DLGAP4: variants seen among roughly 807,000 people sequenced by gnomAD.
The protein encoded by DLGAP4 is disks large-associated protein 4.
A neutral mutation model predicts 86.9 loss-of-function variants in DLGAP4; 18 were observed. That is an observed-to-expected ratio of 0.21 (90% confidence interval 0.14 to 0.31). The LOEUF is 0.31. Ranked by LOEUF, DLGAP4 falls within the 10% of genes least tolerant of loss-of-function variation. DLGAP4 has a pLI of 1.00. For synonymous variants in DLGAP4, 548 were observed against 574.3 expected (o/e 0.95, Z 0.65); for missense variants, 1,085 against 1,362.6 (o/e 0.80, Z 3.21).
intron 7 of DLGAP4, among the ~76,000 whole-genome samples, chr20:36,495,174 A>G (rs1249168373): frequency 6.6e-6 from 1 of 152,004 alleles, no homozygotes; most frequent in Non-Finnish European, 1.5e-5. Flanking sequence ...TTATTTTTAT[A>G]AGAAAATGCC....
intron 1 of DLGAP4, among the ~76,000 whole-genome samples, chr20:36,339,843 G>T (rs1266862664): frequency 2.0e-5 from 3 of 152,178 alleles, no homozygotes; most frequent in Non-Finnish European, 4.4e-5. Flanking sequence ...CTCATGGAGG[G>T]GACGCACAGC....
chr20:36,349,104 CAAAAAAAAAAAAAAAAA>C lies in DLGAP4; in HGVS notation c.-303-17924_-303-17908del, dbSNP rs539585564. ...GGCGTGACAGAACAAGACTCCATCT[CAAAAAAAAAAAAAAAAA>C]AAAAAAAAAAAAAAAAGCCGGGTGC... On this transcript the variant is annotated intron_variant, in intron 1 of 12. Coordinates refer to ENST00000339266, the MANE Select transcript of DLGAP4 (RefSeq NM_001365621.2). Among the ~76,000 whole-genome samples, 10 of 39,896 alleles carry C rather than the reference CAAAAAAAAAAAAAAAAA, an allele frequency of 2.5e-4. 1 individual carries two copies. The highest frequency in any genetic ancestry group is 1.3e-3 in the African/African-American group (8 of 6,130). The allele number at this position is 39,896 out of a possible 152,430, so 26.2% of individuals were successfully genotyped here. A position where few individuals can be genotyped will look rare whatever the true frequency, so the allele number is the denominator to read the frequency against.
chr20:36,395,502 T>A (rs59059863), intron 2 of DLGAP4, among the ~76,000 whole-genome samples: 10,582 of 151,972 alleles, frequency 0.07, 1,174 homozygotes, highest in African/African-American at 0.24. Flanking sequence ...CTGCCTTTTT[T>A]TTATTATTAT....
chr20:36,511,090 A>C (rs997500512), intron 10 of DLGAP4: 5 of 152,244 alleles, frequency 3.3e-5, no homozygotes, highest in Admixed American at 3.3e-4. Context: ...TAAAATATTG[A>C]ATCTTCTCAA....
At chr20:36,384,085 CT>C (rs1205156106) in intron 2 of DLGAP4, among the ~76,000 whole-genome samples, 1 of 138,076 alleles carries the variant, frequency 7.2e-6, no homozygotes, top group African/African-American at 2.6e-5. Flanking sequence ...AAAAAAGAAG[CT>C]TTCATTGCCA....
At chr20:36,459,169 A>G (rs969130833) in intron 7 of DLGAP4, among the ~76,000 whole-genome samples, 2 of 152,142 alleles carry the variant, frequency 1.3e-5, no homozygotes, top group Non-Finnish European at 2.9e-5. Context: ...TCTGCCTTGT[A>G]GGGATTCCAG....
chr20:36,418,457 C>G (rs1480513432), intron 2 of DLGAP4, among the ~76,000 whole-genome samples: 2 of 152,154 alleles, frequency 1.3e-5, no homozygotes, highest in African/African-American at 4.8e-5. Flanking sequence ...TCTCTGTAGT[C>G]CCTTTGTTCT....
chr20:36,317,661 T>G (rs1181074034), intron 1 of DLGAP4, among the ~76,000 whole-genome samples: 1 of 151,586 alleles, frequency 6.6e-6, no homozygotes, highest in Non-Finnish European at 1.5e-5. Context: ...CTTGCTATGT[T>G]GCCCAGGCTG....
intron 7 of DLGAP4, among the ~76,000 whole-genome samples, chr20:36,486,424 C>T (rs941862875): frequency 6.6e-6 from 1 of 152,076 alleles, no homozygotes; most frequent in Non-Finnish European, 1.5e-5. Context: ...AGCAGACATG[C>T]CAACATGAGG....
rs1479207719 is a variant in DLGAP4, at chr20:36,527,631, C to G, written c.*600C>G. ...CCTCCCCCCGCCAAGTGCTCACACA[C>G]AACCTCACGCGCACACACACACACG... On this transcript the variant is annotated 3_prime_UTR_variant, in exon 13 of 13. Coordinates refer to ENST00000339266, the MANE Select transcript of DLGAP4 (RefSeq NM_001365621.2). 1 of 152,886 alleles carries G rather than the reference C, an allele frequency of 6.5e-6. No homozygotes were observed. Among genetic ancestry groups the G allele is most frequent in the African/African-American group, 2.4e-5 (1 of 41,410 alleles). 9.5% of individuals were successfully genotyped at this position (152,886 alleles called of 1,614,324 possible). A position where few individuals can be genotyped will look rare whatever the true frequency, so the allele number is the denominator to read the frequency against.
At chr20:36,405,466 G>T (rs1340596026) in intron 2 of DLGAP4, among the ~76,000 whole-genome samples, 1 of 152,158 alleles carries the variant, frequency 6.6e-6, no homozygotes, top group Non-Finnish European at 1.5e-5. Context: ...GTACACATGC[G>T]AGGGAGGCTG....
chr20:36,315,026 TGA>T (rs2065084195), intron 1 of DLGAP4, among the ~76,000 whole-genome samples: 7 of 19,004 alleles, frequency 3.7e-4, no homozygotes, highest in Admixed American at 6.8e-4. Flanking sequence ...TGTGGTGGTG[TGA>T]GATGTGTGTG....
Position 36,527,126 on chromosome 20 carries a change from T to TTCTG in DLGAP4, c.*99_*102dup, listed in dbSNP as rs1555919245. ...GTTTTCTCAACCTTTGCTATGGTTA[T>TTCTG]TCTGTCTAGAGACCCTGAGCCAACT... On this transcript the variant is annotated 3_prime_UTR_variant, in exon 13 of 13. Coordinates refer to ENST00000339266, the MANE Select transcript of DLGAP4 (RefSeq NM_001365621.2). 1.5e-6 allele frequency: 2 copies of TTCTG among 1,347,002 alleles called. No individual in the cohort carries two copies. Among genetic ancestry groups the TTCTG allele is most frequent in the South Asian group, 1.5e-5 (1 of 65,992 alleles). The allele number at this position is 1,347,002 out of a possible 1,614,324, so 83.4% of individuals were successfully genotyped here.
At chr20:36,482,247 A>G (rs1197276721) in intron 7 of DLGAP4, among the ~76,000 whole-genome samples, 2 of 152,138 alleles carry the variant, frequency 1.3e-5, no homozygotes, top group African/African-American at 4.8e-5. Context: ...GTCATTCAGA[A>G]TGGTGAAAGA....
At chr20:36,490,797 C>T (rs1050478245) in intron 7 of DLGAP4, among the ~76,000 whole-genome samples, 1 of 152,216 alleles carries the variant, frequency 6.6e-6, no homozygotes, top group African/African-American at 2.4e-5. Flanking sequence ...AGGGGGCTAG[C>T]TTCTTGAGGT....
chr20:36,369,097 C>A (rs370742804), intron 2 of DLGAP4, among the ~76,000 whole-genome samples: 2 of 152,104 alleles, frequency 1.3e-5, no homozygotes, highest in South Asian at 2.1e-4. Context: ...GAGGCCCGGG[C>A]GGCAGCGAGG....
At chr20:36,444,940 T>C (rs898793389) in intron 6 of DLGAP4, among the ~76,000 whole-genome samples, 7 of 151,910 alleles carry the variant, frequency 4.6e-5, no homozygotes, top group Admixed American at 3.9e-4. Context: ...ACGCCTGGAC[T>C]AATCAATTAT....
intron 2 of DLGAP4, among the ~76,000 whole-genome samples, chr20:36,428,612 G>A (rs1297345140): frequency 6.6e-6 from 1 of 152,146 alleles, no homozygotes; most frequent in African/African-American, 2.4e-5. Context: ...CCCCCACACT[G>A]TCCCCTTTCT....
At chr20:36,371,105 G>C (rs892100416) in intron 2 of DLGAP4, among the ~76,000 whole-genome samples, 1 of 152,190 alleles carries the variant, frequency 6.6e-6, no homozygotes, top group Non-Finnish European at 1.5e-5. Flanking sequence ...TATCCTGTGC[G>C]TGCAGAAAGC....
Sources: allele counts gnomAD v4.1 joint callset (sites outside exome capture counted in the v4.1 genomes callset), GRCh38; gene constraint gnomAD v4.1.1; transcripts MANE v1.5; gene names NCBI Gene and HGNC (gene_info 2026-07-23, HGNC 2026-07-21).